The following COL4A2 variants were observed in gnomAD, a reference collection of about 807,000 sequenced individuals.
The protein encoded by COL4A2 is collagen type IV alpha 2 chain.
COL4A2 carries 99 observed loss-of-function variants against 200.2 expected under a neutral mutation model. The ratio of observed to expected loss-of-function variants is 0.49; its 90% confidence interval spans 0.42 to 0.58. The LOEUF is 0.58. Among genes scored for constraint, COL4A2 ranks in the 20% least tolerant of loss-of-function variants. The pLI is 0.00. For synonymous variants in COL4A2, 897 were observed against 900.6 expected, an observed-to-expected ratio of 1.00 and a Z score of 0.07; for missense variants, 1,950 against 2,314.1, an observed-to-expected ratio of 0.84 and a Z score of 3.23.
intron 3 of COL4A2, among the ~76,000 whole-genome samples, chr13:110,332,712 C>T (rs987914902): frequency 6.6e-6 from 1 of 152,174 alleles, no homozygotes; most frequent in Non-Finnish European, 1.5e-5. Context: ...ATGTTTGTAC[C>T]ATGTGTTGCC....
chr13:110,441,491 C>A (rs1881121111), intron 16 of COL4A2, among the ~76,000 whole-genome samples: 1 of 152,202 alleles, frequency 6.6e-6, no homozygotes, highest in Non-Finnish European at 1.5e-5. Flanking sequence ...GGAGCCAATG[C>A]CAGGCTTTGC....
At chr13:110,409,154 C>T (rs987643430) in intron 4 of COL4A2, among the ~76,000 whole-genome samples, 1 of 152,060 alleles carries the variant, frequency 6.6e-6, no homozygotes, top group African/African-American at 2.4e-5. Flanking sequence ...CACATGTACA[C>T]ACATGCACAT....
chr13:110,320,724 T>A lies in COL4A2; in HGVS notation c.99+12601T>A, dbSNP rs561448295. Among the ~76,000 whole-genome samples, 346 of 152,210 alleles carry A rather than the reference T, an allele frequency of 2.3e-3. 1 individual carries two copies. The highest frequency in any genetic ancestry group is 3.4e-3 in the Non-Finnish European group (232 of 68,026). On this transcript the variant is annotated intron_variant, in intron 3 of 47. Coordinates refer to ENST00000360467, the MANE Select transcript of COL4A2 (RefSeq NM_001846.4). Reference sequence around the variant, plus strand: ...TGTATTTAAAAGGAAAGATCATAGGTAGATAGAATTCATCCGTTTTAAAAG... The same window carrying A: ...TGTATTTAAAAGGAAAGATCATAGGAAGATAGAATTCATCCGTTTTAAAAG...
At chr13:110,453,338 C>T (rs1028364258) in intron 20 of COL4A2, among the ~76,000 whole-genome samples, 1 of 151,956 alleles carries the variant, frequency 6.6e-6, no homozygotes, top group African/African-American at 2.4e-5. Context: ...CCCATCTCTA[C>T]CAAAAATACA....
chr13:110,477,435 AT>A (rs1291152512), intron 29 of COL4A2, among the ~76,000 whole-genome samples: 8 of 152,250 alleles, frequency 5.3e-5, no homozygotes, highest in African/African-American at 1.7e-4. Flanking sequence ...TTTAAACAAC[AT>A]TAAATTAGTG....
chr13:110,356,997 C>G (rs990702385), intron 3 of COL4A2, among the ~76,000 whole-genome samples: 5 of 152,150 alleles, frequency 3.3e-5, no homozygotes. Flanking sequence ...ATCTCCTGAC[C>G]TTGTGATCCA....
intron 39 of COL4A2, among the ~76,000 whole-genome samples, chr13:110,493,525 G>C (rs184862022): frequency 6.6e-6 from 1 of 152,182 alleles, no homozygotes; most frequent in Non-Finnish European, 1.5e-5. Context: ...GACTCATCAG[G>C]CTTTTAGACG....
At chr13:110,377,926 T>C (rs964400469) in intron 4 of COL4A2, among the ~76,000 whole-genome samples, 4 of 152,246 alleles carry the variant, frequency 2.6e-5, no homozygotes, top group African/African-American at 7.2e-5. Flanking sequence ...AATGTTTCTC[T>C]TATTAGCAAT....
chr13:110,390,420 G>T lies in COL4A2; in HGVS notation c.180+32868G>T, dbSNP rs1211731535. 3.9e-5 allele frequency among the ~76,000 whole-genome samples: 6 copies of T among 152,246 alleles called. No individual in the cohort carries two copies. The East Asian group carries it at 1.2e-3, about 29-fold the overall frequency. ...AAACCTTTGCAGTTGGAGCCAGAGGGACTCCACACACCTTCTAGCCCAGCG... is the reference window on the plus strand; with the variant it reads ...AAACCTTTGCAGTTGGAGCCAGAGGTACTCCACACACCTTCTAGCCCAGCG... On this transcript the variant is annotated intron_variant, in intron 4 of 47. Transcript: ENST00000360467.
chr13:110,432,252 G>A lies in COL4A2; in HGVS notation c.649-73G>A, dbSNP rs1880709751. The A allele has an allele frequency of 2.6e-6, 4 of 1,522,370 alleles. No individual in the cohort carries two copies. In the South Asian group the frequency reaches 5.4e-5, roughly 21 times the overall value. 94.3% of individuals were successfully genotyped at this position (1,522,370 alleles called of 1,614,324 possible). A position where few individuals can be genotyped will look rare whatever the true frequency, so the allele number is the denominator to read the frequency against. On this transcript the variant is annotated intron_variant, in intron 10 of 47. Transcript: ENST00000360467. ...AAATATACAGTCAATGGCTTTCCCA[G>A]AGCTTTCCACCAGATGTTATCTGGG...
intron 3 of COL4A2, chr13:110,328,458 T>C (rs1214964995): frequency 6.6e-6 from 1 of 152,236 alleles, no homozygotes; most frequent in Non-Finnish European, 1.5e-5. Context: ...CGGTGCAAGC[T>C]GAGATTTGTG....
intron 4 of COL4A2, among the ~76,000 whole-genome samples, chr13:110,416,705 A>T (rs1880052925): frequency 1.3e-5 from 2 of 152,254 alleles, no homozygotes; most frequent in South Asian, 4.1e-4. Flanking sequence ...ATCATTTCAG[A>T]TAAAACTATA....
chr13:110,472,208 C>T (rs1232326460), intron 28 of COL4A2, among the ~76,000 whole-genome samples: 6 of 151,880 alleles, frequency 4.0e-5, no homozygotes, highest in East Asian at 3.9e-4. Flanking sequence ...CTCCGCCTCC[C>T]GGGTTCACGC....
chr13:110,450,443 C>G lies in COL4A2; in HGVS notation c.1328C>G (p.Pro443Arg), dbSNP rs192250572. 557 of 1,613,884 alleles carry G rather than the reference C, an allele frequency of 3.5e-4. 5 individuals are homozygous for G. In the East Asian group the frequency reaches 9.8e-3, roughly 29 times the overall value. ...GGACCCCCCGGGCTCCCTGGACCACCTGGACCTGATGGTGAGTGGAGGGAA... is the reference window on the plus strand; with the variant it reads ...GGACCCCCCGGGCTCCCTGGACCACGTGGACCTGATGGTGAGTGGAGGGAA... ...PPGPPGLPGP[P>R]GPDGFLFGLK... The change falls in exon 20 of 48, where the codon CCT (proline) becomes CGT (arginine). Residue 443 changes from proline to arginine, a missense_variant. Transcript: ENST00000360467.
chr13:110,326,887 C>T (rs1263100025), intron 3 of COL4A2, among the ~76,000 whole-genome samples: 3 of 152,218 alleles, frequency 2.0e-5, no homozygotes, highest in African/African-American at 7.2e-5. Flanking sequence ...TGGCAGTCAC[C>T]CGCCCGCTCA....
chr13:110,505,114 G>T (rs1010551073), intron 45 of COL4A2, among the ~76,000 whole-genome samples: 4 of 151,924 alleles, frequency 2.6e-5, no homozygotes, highest in African/African-American at 9.7e-5. Flanking sequence ...ACTTTGGGAG[G>T]CTGAGGTGGG....
At chr13:110,443,430 T>TGAGGACTTCTGCCC (rs1881210358) in intron 16 of COL4A2, among the ~76,000 whole-genome samples, 1 of 152,228 alleles carries the variant, frequency 6.6e-6, no homozygotes, top group Admixed American at 6.5e-5. Context: ...AGCTAGTCCC[T>TGAGGACTTCTGCCC]GAGGACTTCT....
intron 4 of COL4A2, among the ~76,000 whole-genome samples, chr13:110,388,138 G>C (rs1334655691): frequency 1.3e-5 from 2 of 152,320 alleles, no homozygotes; most frequent in African/African-American, 4.8e-5. Flanking sequence ...TAAGCTTCAC[G>C]GGAACAGAAT....
intron 40 of COL4A2, among the ~76,000 whole-genome samples, chr13:110,498,046 G>T (rs992069479): frequency 6.6e-6 from 1 of 152,264 alleles, no homozygotes; most frequent in Non-Finnish European, 1.5e-5. Context: ...CCTCCCAGGA[G>T]CCCAGCAGTA....
Sources: gnomAD v4.1 joint callset for allele counts (sites outside exome capture counted in the v4.1 genomes callset) on GRCh38, gnomAD v4.1.1 for gene constraint, MANE v1.5 for transcripts, NCBI Gene and HGNC (gene_info 2026-07-23, HGNC 2026-07-21) for gene names.